Variants in IRS2 observed in about 807,000 individuals in gnomAD.
IRS2 encodes the protein insulin receptor substrate 2.
Under a neutral mutation model 70.9 loss-of-function variants are expected in IRS2, and 28 were observed. The observed-to-expected ratio is 0.39, with a 90% CI of 0.29 to 0.54. The LOEUF (loss-of-function observed/expected upper bound fraction) is 0.54. Ranked by LOEUF, IRS2 falls within the 20% of genes least tolerant of loss-of-function variation. The pLI, the probability that IRS2 is intolerant of heterozygous loss-of-function variation, is 0.59. For synonymous variants in IRS2, 1,217 were observed against 981.9 expected, an observed-to-expected ratio of 1.24 and a Z score of -4.48; for missense variants, 2,081 against 2,024.1, an observed-to-expected ratio of 1.03 and a Z score of -0.54.
chr13:109,774,063 T>C (rs1180390390), intron 1 of IRS2, among the ~76,000 whole-genome samples: 1 of 152,234 alleles, frequency 6.6e-6, no homozygotes, highest in Non-Finnish European at 1.5e-5. Flanking sequence ...GGTTCTCAAC[T>C]CTTCCTTCTC....
intron 1 of IRS2, among the ~76,000 whole-genome samples, chr13:109,758,878 A>T (rs1289935793): frequency 6.7e-6 from 1 of 149,516 alleles, no homozygotes; most frequent in Non-Finnish European, 1.5e-5. Context: ...GGCAAGCGGA[A>T]GAGGAAGAGG....
rs1877771103 is a variant in IRS2, at chr13:109,783,063, G to T, written c.2991C>A (p.His997Gln). The T allele has an allele frequency of 2.2e-6, 3 of 1,379,574 alleles. No individual in the cohort carries two copies. The highest frequency in any genetic ancestry group is 3.1e-5 in the African/African-American group (2 of 65,558). The allele number at this position is 1,379,574 out of a possible 1,614,324, so 85.5% of individuals were successfully genotyped here. A position where few individuals can be genotyped will look rare whatever the true frequency, so the allele number is the denominator to read the frequency against. Residue 997 changes from histidine to glutamine, a missense_variant, in exon 1 of 2, where the codon CAC (histidine) becomes CAA (glutamine). By Grantham distance (24) the His-to-Gln change is conservative. Coordinates refer to ENST00000375856, the MANE Select transcript of IRS2 (RefSeq NM_003749.3). ...KSPKPGAPSG[H>Q]PVGSLDGLLS... ...GGAGGCCGTCCAAGGAGCCCACGGG[G>T]TGGCCGCTCGGGGCGCCCGGCTTAG...
Position 109,784,812 on chromosome 13 carries a change from G to A in IRS2, c.1242C>T (p.Ser414=). Residue 414 remains serine (S), a synonymous_variant, in exon 1 of 2, where the codon AGC becomes AGT. Coordinates refer to ENST00000375856, the MANE Select transcript of IRS2 (RefSeq NM_003749.3). This position sits in a 1 kb window ranked among gnomAD's most constrained non-coding sequence, Gnocchi z 5.2. ...CCCCTGCCGGCAGCAGCGCCACCTT[G>A]CTCCCGCGGCCGCCGCAGCCGCCGC... ...TLSGGCGGRG[S]KVALLPAGGA... 1 of 1,272,780 alleles carries A rather than the reference G, an allele frequency of 7.9e-7. No homozygotes were observed. Among genetic ancestry groups the A allele is most frequent in the Non-Finnish European group, 1.0e-6 (1 of 1,002,184 alleles). The allele number at this position is 1,272,780 out of a possible 1,614,324, so 78.8% of individuals were successfully genotyped here.
chr13:109,763,798 CTAAT>C (rs1379025757), intron 1 of IRS2, among the ~76,000 whole-genome samples: 1 of 152,016 alleles, frequency 6.6e-6, no homozygotes, highest in Non-Finnish European at 1.5e-5. Context: ...ATTATAAAAC[CTAAT>C]TATATTTTTG....
chr13:109,783,796 A>G lies in IRS2; in HGVS notation c.2258T>C (p.Met753Thr), dbSNP rs947700842. 2 of 1,597,400 alleles carry G rather than the reference A, an allele frequency of 1.3e-6. No homozygotes were observed. The highest frequency in any genetic ancestry group is 1.7e-6 in the Non-Finnish European group (2 of 1,172,540). The change falls in exon 1 of 2, where the codon ATG becomes ACG. Residue 753 changes from methionine to threonine, a missense_variant. Met to Thr is a moderately conservative substitution (Grantham distance 81). Coordinates refer to ENST00000375856, the MANE Select transcript of IRS2 (RefSeq NM_003749.3). Reference protein sequence around the residue: ...MRMWCGSKLSMEHADGKLLPN... With the variant: ...MRMWCGSKLSTEHADGKLLPN... ...CAGCAGCTTGCCATCTGCATGCTCC[A>G]TGGACAGCTTGGAACCGCACCACAT...
At chr13:109,778,645 C>T (rs1043722461) in intron 1 of IRS2, among the ~76,000 whole-genome samples, 7 of 152,284 alleles carry the variant, frequency 4.6e-5, no homozygotes, top group African/African-American at 1.4e-4. Context: ...CAACATAAAT[C>T]GTGATTTTAT....
In IRS2 at chr13:109,756,803, A is replaced by G. The variant is rs1401098984; in HGVS notation, c.4013-495T>C. Among the ~76,000 whole-genome samples, 5 of 152,138 alleles carry G rather than the reference A, an allele frequency of 3.3e-5. 1 individual carries two copies. The East Asian group carries it at 9.6e-4, about 29-fold the overall frequency. On this transcript the variant is annotated intron_variant, in intron 1 of 1. Coordinates refer to ENST00000375856, the MANE Select transcript of IRS2 (RefSeq NM_003749.3). ...CTCTGTAAACTATGTTTATTCTACA[A>G]ATGTGCATTATGTTATGAAAGTGGA...
chr13:109,778,793 C>T (rs994153550), intron 1 of IRS2, among the ~76,000 whole-genome samples: 16 of 152,154 alleles, frequency 1.1e-4, no homozygotes, highest in African/African-American at 2.9e-4. Flanking sequence ...CATATATATA[C>T]GCCAATTTTA....
In IRS2 at chr13:109,755,218, T is replaced by TTC. The variant is rs1423143642; in HGVS notation, c.*1085_*1086insGA. On this transcript the variant is annotated 3_prime_UTR_variant, in exon 2 of 2. Coordinates refer to ENST00000375856, the MANE Select transcript of IRS2 (RefSeq NM_003749.3). ...TTTTATCAGTTTCTTTCTTTCCTTT[T>TTC]TTTTTTTTCTTTTTGTTTTTTTTGT... 1 of 148,484 alleles carries TTC rather than the reference T, an allele frequency of 6.7e-6. No individual in the cohort carries two copies. Among genetic ancestry groups the TTC allele is most frequent in the Non-Finnish European group, 1.2e-5 (1 of 81,278 alleles). 9.2% of individuals were successfully genotyped at this position (148,484 alleles called of 1,614,324 possible). A position where few individuals can be genotyped will look rare whatever the true frequency, so the allele number is the denominator to read the frequency against.
At position 109,782,728 on chromosome 13, in the gene IRS2, C is replaced by A. The variant is rs2138930514; in HGVS notation, c.3326G>T (p.Ser1109Ile). 1 of 1,596,920 alleles carries A rather than the reference C, an allele frequency of 6.3e-7. No homozygotes were observed. Among genetic ancestry groups the A allele is most frequent in the Non-Finnish European group, 8.5e-7 (1 of 1,172,580 alleles). Residue 1109 changes from serine to isoleucine, a missense_variant, in exon 1 of 2, where the codon AGC (serine) becomes ATC (isoleucine). This residue lies in a region of IRS2 where 1,615 missense variants were observed against 1,459.5 expected (regional missense o/e 1.11). Coordinates refer to ENST00000375856, the MANE Select transcript of IRS2 (RefSeq NM_003749.3). ...ASPTSGVKRL[S>I]LMEQVSGVEA... ...GACTCCCGACACCTGCTCCATGAGG[C>A]TCAGCCTCTTCACGCCCGACGTCGG...
rs1291134080 is a variant in IRS2, at chr13:109,783,401, C to T, written c.2653G>A (p.Gly885Ser). The T allele has an allele frequency of 1.2e-5, 18 of 1,477,688 alleles. No homozygotes were observed. Among genetic ancestry groups the T allele is most frequent in the Non-Finnish European group, 1.5e-5 (17 of 1,124,848 alleles). The allele number at this position is 1,477,688 out of a possible 1,614,324, so 91.5% of individuals were successfully genotyped here. A position where few individuals can be genotyped will look rare whatever the true frequency, so the allele number is the denominator to read the frequency against. ...AGGCGCGTGGGCCTCACCGCCCGGC[C>T]GCGCTGGCCCAAGAAGCCCTCCGGG... The part of the protein sequence containing the change: ...GRPEGFLGQR[G>S]RAVRPTRLSL... The change falls in exon 1 of 2, where the codon GGC becomes AGC. Residue 885 changes from glycine to serine, a missense_variant. Gly to Ser is a moderately conservative substitution (Grantham distance 56). Coordinates refer to ENST00000375856, the MANE Select transcript of IRS2 (RefSeq NM_003749.3).
intron 1 of IRS2, among the ~76,000 whole-genome samples, chr13:109,771,931 GGA>G (rs1298411706): frequency 6.6e-6 from 1 of 152,256 alleles, no homozygotes; most frequent in Non-Finnish European, 1.5e-5. Flanking sequence ...CTTATTGCGT[GGA>G]GTTTCTAAAG....
intron 1 of IRS2, among the ~76,000 whole-genome samples, chr13:109,762,925 G>A (rs1382241583): frequency 6.6e-6 from 1 of 152,184 alleles, no homozygotes; most frequent in Non-Finnish European, 1.5e-5. Flanking sequence ...AGCCCACTTG[G>A]AGAGTGACGT....
chr13:109,784,397 C>A lies in IRS2; in HGVS notation c.1657G>T (p.Gly553Cys). 1 of 1,610,592 alleles carries A rather than the reference C, an allele frequency of 6.2e-7. No individual in the cohort carries two copies. The change falls in exon 1 of 2, where the codon GGC becomes TGC. Residue 553 changes from glycine (G) to cysteine (C), a missense_variant. This residue lies in a region of IRS2 where 1,615 missense variants were observed against 1,459.5 expected (regional missense o/e 1.11). Coordinates refer to ENST00000375856, the MANE Select transcript of IRS2 (RefSeq NM_003749.3). This position sits in a 1 kb window ranked among gnomAD's most constrained non-coding sequence, Gnocchi z 5.2. ...MTMDRPLSHC[G>C]RSYRRVSGDA... ...CCCGAGACCCGGCGGTAGGAGCGGC[C>A]ACAGTGGCTCAGGGGCCTGTCCATG...
At chr13:109,773,127 G>T (rs1877494398) in intron 1 of IRS2, among the ~76,000 whole-genome samples, 1 of 151,824 alleles carries the variant, frequency 6.6e-6, no homozygotes, top group African/African-American at 2.4e-5. Flanking sequence ...AATTAAATTT[G>T]TATGAAAACT....
intron 1 of IRS2, among the ~76,000 whole-genome samples, chr13:109,765,338 C>G (rs1204821605): frequency 6.6e-6 from 1 of 152,208 alleles, no homozygotes; most frequent in African/African-American, 2.4e-5. Flanking sequence ...ACAGCAGCAG[C>G]TGATCACCAG....
Position 109,785,265 on chromosome 13 carries a change from G to T in IRS2, c.789C>A (p.Ala263=), listed in dbSNP as rs749701390. 6.2e-7 allele frequency: 1 copy of T among 1,607,088 alleles called. No individual in the cohort carries two copies. The highest frequency in any genetic ancestry group is 1.1e-5 in the South Asian group (1 of 90,206). The change falls in exon 1 of 2, where the codon GCC becomes GCA. Residue 263 remains alanine, a synonymous_variant. Coordinates refer to ENST00000375856, the MANE Select transcript of IRS2 (RefSeq NM_003749.3). This position sits in a 1 kb window ranked among gnomAD's most constrained non-coding sequence, Gnocchi z 9.3. Reference sequence around the variant, plus strand: ...TCCACAGCTCGCCGGGGCCTGTGACGGCCGAGCGGCCCACCTCGATGAAGA... The same window carrying T: ...TCCACAGCTCGCCGGGGCCTGTGACTGCCGAGCGGCCCACCTCGATGAAGA... ...SFFFIEVGRS[A]VTGPGELWMQ...
At chr13:109,773,047 TAA>T (rs1877492779) in intron 1 of IRS2, among the ~76,000 whole-genome samples, 1 of 152,240 alleles carries the variant, frequency 6.6e-6, no homozygotes, top group Non-Finnish European at 1.5e-5. Context: ...ATGTGTTTGC[TAA>T]AGTGTTTCTT....
In IRS2 at chr13:109,755,174, T is replaced by C. The variant is rs1877074765; in HGVS notation, c.*1130A>G. The C allele has an allele frequency of 4.3e-6, 1 of 231,402 alleles. No homozygotes were observed. Among genetic ancestry groups the C allele is most frequent in the Non-Finnish European group, 8.5e-6 (1 of 117,284 alleles). 14.3% of individuals were successfully genotyped at this position (231,402 alleles called of 1,614,324 possible). A position where few individuals can be genotyped will look rare whatever the true frequency, so the allele number is the denominator to read the frequency against. ...TCTTTTTCTTTTTCCATCAATAACATAGGGGCTGGAATGCCTCTTTTTATC... is the reference window on the plus strand; with the variant it reads ...TCTTTTTCTTTTTCCATCAATAACACAGGGGCTGGAATGCCTCTTTTTATC... On this transcript the variant is annotated 3_prime_UTR_variant, in exon 2 of 2. Transcript: ENST00000375856.
Sources: gnomAD v4.1 joint callset for allele counts (sites outside exome capture counted in the v4.1 genomes callset) on GRCh38, gnomAD v4.1.1 for gene constraint, gnomAD v4.1.1 regional missense constraint, Gnocchi (gnomAD v3.1) non-coding constraint, MANE v1.5 for transcripts, NCBI Gene and HGNC (gene_info 2026-07-23, HGNC 2026-07-21) for gene names.